STK3: variants seen among roughly 807,000 people sequenced by gnomAD.
STK3 encodes serine/threonine kinase 3.
In STK3, 41 loss-of-function variants were observed where a neutral mutation model predicts 58.0. The observed-to-expected ratio is 0.71, with a 90% confidence interval of 0.55 to 0.92. STK3 has a LOEUF of 0.92. STK3 is among the 40% of genes least tolerant of loss of function. The pLI, the probability that STK3 is intolerant of heterozygous loss-of-function variation, is 0.00. For synonymous variants in STK3, 170 were observed against 191.0 expected (o/e 0.89, Z 0.91); for missense variants, 479 against 602.7 (o/e 0.79, Z 2.15).
intron 6 of STK3, among the ~76,000 whole-genome samples, chr8:98,677,403 C>T (rs1222397260): frequency 1.4e-5 from 2 of 142,806 alleles, no homozygotes; most frequent in African/African-American, 5.1e-5. Flanking sequence ...TCTGGATCCC[C>T]CAGGAATTGA....
At chr8:98,869,654 T>C (rs1014949969) in intron 3 of STK3, among the ~76,000 whole-genome samples, 2 of 152,070 alleles carry the variant, frequency 1.3e-5, no homozygotes, top group Non-Finnish European at 2.9e-5. Flanking sequence ...GGGAGGATTT[T>C]CCCCTAGAGA....
chr8:98,929,869 T>C (rs1470496775), intron 1 of STK3, among the ~76,000 whole-genome samples: 2 of 152,164 alleles, frequency 1.3e-5, no homozygotes, highest in East Asian at 3.8e-4. Flanking sequence ...TTCAGAACTT[T>C]GTAGCTGAAA....
intron 6 of STK3, among the ~76,000 whole-genome samples, chr8:98,661,060 T>C (rs1011271711): frequency 1.3e-5 from 2 of 152,010 alleles, no homozygotes; most frequent in South Asian, 2.1e-4. Flanking sequence ...CAGAGGTAAA[T>C]GTAAAAGACA....
chr8:98,540,049 C>G (rs116992326), intron 9 of STK3, among the ~76,000 whole-genome samples: 1 of 152,098 alleles, frequency 6.6e-6, no homozygotes, highest in Non-Finnish European at 1.5e-5. Flanking sequence ...CCACTGCGCC[C>G]GGCCTCTCCA....
chr8:98,722,510 T>A (rs1827505696), intron 4 of STK3, among the ~76,000 whole-genome samples: 1 of 152,154 alleles, frequency 6.6e-6, no homozygotes, highest in Non-Finnish European at 1.5e-5. Flanking sequence ...GATGTTTATA[T>A]CATGCTCATT....
rs1346903437 is a variant in STK3 at position 98,748,245 on chromosome 8, T to G, written c.351+1031A>C. On this transcript the variant is annotated intron_variant, in intron 4 of 10. Coordinates refer to ENST00000419617, the MANE Select transcript of STK3 (RefSeq NM_006281.4). ...TATAATTACTTTCCACTGAAGCATT[T>G]TTCTGCCACTCAAGAATCATCTGAT... is the stretch of plus-strand genomic sequence containing the variant. Among the ~76,000 whole-genome samples, 3 of 152,288 alleles carry G rather than the reference T, an allele frequency of 2.0e-5. No homozygotes were observed. In the South Asian group the frequency reaches 6.2e-4, roughly 32 times the overall value.
At chr8:98,688,913 A>C (rs1302736283) in intron 6 of STK3, among the ~76,000 whole-genome samples, 1 of 152,186 alleles carries the variant, frequency 6.6e-6, no homozygotes, top group Admixed American at 6.5e-5. Context: ...GTAAAGTCAG[A>C]GTAGAACTAA....
chr8:98,431,225 G>A (rs1436998742), intron 3 of STK3: 1 of 167,094 alleles, frequency 6.0e-6, no homozygotes, highest in Non-Finnish European at 1.5e-5. Flanking sequence ...GGCTACTACA[G>A]TGTGGGTGAT....
At chr8:98,498,793 T>C (rs992543929) in intron 10 of STK3, among the ~76,000 whole-genome samples, 4 of 152,176 alleles carry the variant, frequency 2.6e-5, no homozygotes, top group African/African-American at 7.2e-5. Flanking sequence ...TCCTTATCTG[T>C]CCCCTTTGCT....
chr8:98,442,595 C>T (rs778138141), intron 1 of STK3, among the ~76,000 whole-genome samples: 2 of 152,230 alleles, frequency 1.3e-5, no homozygotes, highest in Non-Finnish European at 2.9e-5. Context: ...CTGAGCACTT[C>T]TTACTGTTAA....
chr8:98,652,982 C>T (rs1479346452), intron 6 of STK3, among the ~76,000 whole-genome samples: 1 of 152,168 alleles, frequency 6.6e-6, no homozygotes, highest in African/African-American at 2.4e-5. Context: ...CCAAGCGGAA[C>T]TAATAGACAT....
intron 10 of STK3, among the ~76,000 whole-genome samples, chr8:98,503,088 AT>A (rs992487816): frequency 6.6e-5 from 10 of 152,188 alleles, no homozygotes; most frequent in African/African-American, 2.2e-4. Flanking sequence ...AGAGCGTGTT[AT>A]TGGTCTATTC....
intron 4 of STK3, among the ~76,000 whole-genome samples, chr8:98,725,218 G>A (rs1167730532): frequency 5.9e-5 from 9 of 151,976 alleles, no homozygotes; most frequent in Non-Finnish European, 1.3e-4. Context: ...AATGAAAAAC[G>A]GTAAGGTATA....
intron 6 of STK3, among the ~76,000 whole-genome samples, chr8:98,654,013 T>C (rs1431441270): frequency 6.6e-6 from 1 of 152,128 alleles, no homozygotes; most frequent in African/African-American, 2.4e-5. Flanking sequence ...TACCAAAGCC[T>C]GACAGAGACA....
At chr8:98,557,394 C>T (rs1811680874) in intron 8 of STK3, among the ~76,000 whole-genome samples, 1 of 152,068 alleles carries the variant, frequency 6.6e-6, no homozygotes, top group Admixed American at 6.6e-5. Context: ...TACCTTGAAA[C>T]TGTACTTCCA....
rs371588454 is a variant in STK3 at position 98,799,473 on chromosome 8, T to A, written c.27-24654A>T. ...AAGTCAAAAAGAAAGGGAGATAGAA[T>A]TAGTAAAGAAAAAAGCAGTGTACCC... On this transcript the variant is annotated intron_variant, in intron 1 of 10. Transcript: ENST00000419617. Among the ~76,000 whole-genome samples, 1,311 of 151,870 alleles carry A rather than the reference T, an allele frequency of 8.6e-3. 10 individuals carry two copies. Among genetic ancestry groups the A allele is most frequent in the African/African-American group, 0.03 (1,237 of 41,384 alleles).
chr8:98,381,962 A>G (rs1344311778), intron 1 of STK3, among the ~76,000 whole-genome samples: 1 of 152,234 alleles, frequency 6.6e-6, no homozygotes, highest in Non-Finnish European at 1.5e-5. Flanking sequence ...TTGCATTAAA[A>G]TATTATTTAT....
intron 6 of STK3, among the ~76,000 whole-genome samples, chr8:98,676,785 T>C (rs1033249748): frequency 6.6e-6 from 1 of 152,198 alleles, no homozygotes; most frequent in East Asian, 1.9e-4. Flanking sequence ...ATGGTGAATT[T>C]ATGCTTATTT....
At chr8:98,806,045 T>C (rs1319244537) in intron 1 of STK3, among the ~76,000 whole-genome samples, 1 of 152,206 alleles carries the variant, frequency 6.6e-6, no homozygotes, top group African/African-American at 2.4e-5. Flanking sequence ...CTTAGTACAG[T>C]GATTCATTAT....
Sources: allele counts gnomAD v4.1 joint callset (sites outside exome capture counted in the v4.1 genomes callset), GRCh38; gene constraint gnomAD v4.1.1; transcripts MANE v1.5; gene names NCBI Gene and HGNC (gene_info 2026-07-23, HGNC 2026-07-21).